The following ADAMTSL1 variants were observed in gnomAD, a reference collection of about 807,000 sequenced individuals.
ADAMTSL1 encodes ADAMTS-like protein 1.
A neutral mutation model predicts 201.8 loss-of-function variants in ADAMTSL1; 126 were observed. The observed-to-expected ratio is 0.62, with a 90% CI of 0.54 to 0.72. The LOEUF is 0.72. Among genes scored for constraint, ADAMTSL1 ranks in the 30% least tolerant of loss-of-function variants. The pLI is 0.00. For missense variants in ADAMTSL1, 2,679 were observed against 2,277.8 expected (o/e 1.18, Z -3.59); for synonymous variants, 1,121 against 903.4 (o/e 1.24, Z -4.32).
At chr9:18,884,379 C>A (rs192131670) in intron 23 of ADAMTSL1, among the ~76,000 whole-genome samples, 1 of 152,278 alleles carries the variant, frequency 6.6e-6, no homozygotes, top group African/African-American at 2.4e-5. Flanking sequence ...CTTTTTCACT[C>A]ACTTGATGGT....
chr9:18,338,389 C>A (rs1433785038), intron 2 of ADAMTSL1, among the ~76,000 whole-genome samples: 16 of 152,080 alleles, frequency 1.1e-4, no homozygotes. Context: ...CAGGTTCCTA[C>A]CCTTCCTGCC....
At chr9:18,876,301 CGTGTGTGTGTGTGT>C (rs59150507) in intron 23 of ADAMTSL1, among the ~76,000 whole-genome samples, 1 of 139,630 alleles carries the variant, frequency 7.2e-6, no homozygotes, top group Non-Finnish European at 1.5e-5. Flanking sequence ...TGCCTGAATA[CGTGTGTGTGTGTGT>C]GTGTGTGTGT....
intron 2 of ADAMTSL1, among the ~76,000 whole-genome samples, chr9:18,168,864 C>T (rs940308364): frequency 2.0e-5 from 3 of 150,778 alleles, no homozygotes; most frequent in Non-Finnish European, 3.0e-5. Context: ...ATTTGCATTT[C>T]TCTGATGGCC....
chr9:18,496,170 C>T (rs183658243), intron 1 of ADAMTSL1, among the ~76,000 whole-genome samples: 89 of 152,266 alleles, frequency 5.8e-4, no homozygotes, highest in African/African-American at 2.1e-3. Flanking sequence ...TTATTCTATA[C>T]TGACTCTTTG....
intron 2 of ADAMTSL1, among the ~76,000 whole-genome samples, chr9:18,510,325 C>G (rs1817954653): frequency 1.3e-5 from 2 of 152,162 alleles, no homozygotes; most frequent in Admixed American, 6.5e-5. Flanking sequence ...CCTCTGAGTA[C>G]AGAACATCCT....
intron 17 of ADAMTSL1, among the ~76,000 whole-genome samples, chr9:18,771,877 T>C (rs761574704): frequency 6.6e-6 from 1 of 152,164 alleles, no homozygotes; most frequent in Non-Finnish European, 1.5e-5. Flanking sequence ...CCATATCTTA[T>C]CAACCCACAT....
chr9:18,022,283 G>C (rs1820509554), intron 1 of ADAMTSL1, among the ~76,000 whole-genome samples: 1 of 152,118 alleles, frequency 6.6e-6, no homozygotes, highest in Non-Finnish European at 1.5e-5. Flanking sequence ...ATAGATACCT[G>C]AGCAGCTGCT....
intron 26 of ADAMTSL1, among the ~76,000 whole-genome samples, chr9:18,894,750 A>G (rs933193110): frequency 1.5e-4 from 23 of 152,368 alleles, no homozygotes; most frequent in African/African-American, 5.0e-4. Flanking sequence ...TATGCTAAAC[A>G]CTATCAATTT....
Position 18,504,818 on chromosome 9 carries a change from G to T in ADAMTSL1, c.64-11G>T. 6.2e-7 allele frequency: 1 copy of T among 1,614,124 alleles called. No homozygotes were observed. The highest frequency in any genetic ancestry group is 1.3e-5 in the African/African-American group (1 of 75,062). On this transcript the variant is annotated splice_polypyrimidine_tract_variant and intron_variant, in intron 1 of 28. Transcript: ENST00000380548. Reference sequence around the variant, plus strand: ...GGGATATGATGCTGACCATTCTTTTGTTTCTCACAGAGTTCCAGGACCGCA... The same window carrying T: ...GGGATATGATGCTGACCATTCTTTTTTTTCTCACAGAGTTCCAGGACCGCA...
chr9:18,748,602 A>G (rs1819276228), intron 15 of ADAMTSL1, among the ~76,000 whole-genome samples: 1 of 152,154 alleles, frequency 6.6e-6, no homozygotes, highest in South Asian at 2.1e-4. Flanking sequence ...GGGACCTTGA[A>G]GTTGGGAGTA....
intron 4 of ADAMTSL1, among the ~76,000 whole-genome samples, chr9:18,594,778 G>C (rs1019806462): frequency 6.6e-6 from 1 of 152,040 alleles, no homozygotes; most frequent in Non-Finnish European, 1.5e-5. Context: ...TGTCTGAGAG[G>C]TCACACCTCT....
intron 1 of ADAMTSL1, among the ~76,000 whole-genome samples, chr9:17,925,445 G>C (rs1312396680): frequency 1.0e-5 from 1 of 97,880 alleles, no homozygotes; most frequent in Non-Finnish European, 2.2e-5. Context: ...GCAAAGACTT[G>C]GAACCAACCC....
chr9:18,372,462 T>C (rs574301514), intron 2 of ADAMTSL1, among the ~76,000 whole-genome samples: 1 of 152,160 alleles, frequency 6.6e-6, no homozygotes, highest in African/African-American at 2.4e-5. Flanking sequence ...AAGAATCATC[T>C]ACATTTCATA....
chr9:18,688,689 A>AAAATAT (rs1554730404), intron 13 of ADAMTSL1, among the ~76,000 whole-genome samples: 4 of 8,650 alleles, frequency 4.6e-4, no homozygotes, highest in Non-Finnish European at 8.9e-4. Flanking sequence ...AAAAAAAAAA[A>AAAATAT]ATATATATAT....
intron 2 of ADAMTSL1, among the ~76,000 whole-genome samples, chr9:18,528,169 C>T (rs1052688394): frequency 6.6e-6 from 1 of 152,182 alleles, no homozygotes; most frequent in Non-Finnish European, 1.5e-5. Context: ...TGAGCCACCA[C>T]ACCTGGCCCA....
At chr9:18,490,165 A>G (rs2131850370) in intron 1 of ADAMTSL1, among the ~76,000 whole-genome samples, 1 of 152,298 alleles carries the variant, frequency 6.6e-6, no homozygotes, top group South Asian at 2.1e-4. Flanking sequence ...CCCATGCCAC[A>G]GAGGAACTGG....
At chr9:18,094,479 A>T (rs1346494128) in intron 1 of ADAMTSL1, among the ~76,000 whole-genome samples, 3 of 152,076 alleles carry the variant, frequency 2.0e-5, no homozygotes, top group Admixed American at 2.0e-4. Flanking sequence ...TCTGTCATCC[A>T]TTGTGTGTAC....
At chr9:18,863,459 A>C (rs1827328293) in intron 23 of ADAMTSL1, among the ~76,000 whole-genome samples, 1 of 152,188 alleles carries the variant, frequency 6.6e-6, no homozygotes, top group Non-Finnish European at 1.5e-5. Context: ...GGAATGTCTT[A>C]AAGTTAGTTT....
chr9:18,714,542 C>T (rs1384803309), intron 14 of ADAMTSL1, among the ~76,000 whole-genome samples: 1 of 56,556 alleles, frequency 1.8e-5, no homozygotes, highest in Non-Finnish European at 4.7e-5. Context: ...CAAGACTAAA[C>T]CAGGAAGAAG....
Sources: allele counts gnomAD v4.1 joint callset (sites outside exome capture counted in the v4.1 genomes callset), GRCh38; gene constraint gnomAD v4.1.1; transcripts MANE v1.5; gene names NCBI Gene and HGNC (gene_info 2026-07-23, HGNC 2026-07-21).